The following TAF15 variants were observed in gnomAD, a reference collection of about 807,000 sequenced individuals.
The protein encoded by TAF15 is TATA-binding protein-associated factor 2N.
In TAF15, 37 loss-of-function variants were observed where a neutral mutation model predicts 102.5. The ratio of observed to expected loss-of-function variants is 0.36; its 90% CI spans 0.28 to 0.47. TAF15 has a LOEUF of 0.47. Among genes scored for constraint, TAF15 ranks in the 20% least tolerant of loss-of-function variants. The probability of loss-of-function intolerance (pLI) is 0.99; values close to 1 mark genes in which losing one functional copy is unlikely to be tolerated. For synonymous variants in TAF15, 273 were observed against 259.2 expected (o/e 1.05, Z -0.51); for missense variants, 652 against 760.7 (o/e 0.86, Z 1.68).
chr17:35,810,173 T>TAAGAGACAGG, intron 1 of TAF15: 1 of 137,764 alleles, frequency 7.3e-6, no homozygotes, highest in Admixed American at 6.5e-5. Flanking sequence ...TTGGGGGTGT[T>TAAGAGACAGG]TGCATAGTAA....
intron 9 of TAF15, among the ~76,000 whole-genome samples, chr17:35,835,022 G>A (rs1428154735): frequency 6.6e-6 from 1 of 151,882 alleles, no homozygotes; most frequent in East Asian, 1.9e-4. Context: ...GGGAATACAG[G>A]TGTGAGCCAC....
intron 11 of TAF15, among the ~76,000 whole-genome samples, chr17:35,841,454 A>AC (rs767990782): frequency 2.0e-5 from 3 of 151,584 alleles, no homozygotes; most frequent in Non-Finnish European, 4.4e-5. Context: ...CCCCATGGGA[A>AC]CAGGTAGACA....
chr17:35,840,494 C>T (rs1346201342), intron 11 of TAF15, among the ~76,000 whole-genome samples: 1 of 150,650 alleles, frequency 6.6e-6, no homozygotes, highest in Non-Finnish European at 1.5e-5. Context: ...CCTCGTGATC[C>T]ACCCGCCTCA....
chr17:35,833,198 C>A (rs1433441307), intron 7 of TAF15, among the ~76,000 whole-genome samples: 2 of 151,864 alleles, frequency 1.3e-5, no homozygotes, highest in Non-Finnish European at 2.9e-5. Flanking sequence ...ATGTTGCCTG[C>A]TGTCTGTAAT....
chr17:35,825,206 A>G (rs868175154), intron 7 of TAF15, among the ~76,000 whole-genome samples: 2 of 152,324 alleles, frequency 1.3e-5, no homozygotes, highest in African/African-American at 4.8e-5. Flanking sequence ...CTTATATTCT[A>G]TTTTTAGTGT....
At chr17:35,824,044 T>C (rs762098160) in intron 6 of TAF15, 34 bp from the exon 7 acceptor site, 1 of 1,613,630 alleles carries the variant, frequency 6.2e-7, no homozygotes, top group Non-Finnish European at 8.5e-7. Context: ...GAAATGAGAG[T>C]GGTTATTTGT....
intron 7 of TAF15, 90 bp downstream of exon 7, chr17:35,824,288 C>T (rs1291277788): frequency 6.6e-7 from 1 of 1,517,050 alleles, no homozygotes. Context: ...ATTCCAGCAT[C>T]TAATTTAGTT....
chr17:35,813,220 A>G (rs567856804), intron 1 of TAF15, among the ~76,000 whole-genome samples: 8 of 152,230 alleles, frequency 5.3e-5, no homozygotes, highest in East Asian at 3.9e-4. Flanking sequence ...GGAAAAGTGA[A>G]TAAGTTGGAA....
intron 1 of TAF15, among the ~76,000 whole-genome samples, chr17:35,814,828 G>C (rs1346421175): frequency 6.6e-6 from 1 of 151,638 alleles, no homozygotes. Flanking sequence ...ACTCCATCCT[G>C]GGTGATAGAG....
At chr17:35,813,111 C>A (rs2087146040) in intron 1 of TAF15, among the ~76,000 whole-genome samples, 1 of 113,554 alleles carries the variant, frequency 8.8e-6, no homozygotes, top group African/African-American at 3.7e-5. Flanking sequence ...GAGCAAGACT[C>A]TGTCTCAAAA....
intron 7 of TAF15, 55 bp downstream of exon 7, chr17:35,824,253 T>TG: frequency 6.2e-7 from 1 of 1,601,872 alleles, no homozygotes; most frequent in Admixed American, 1.7e-5. Flanking sequence ...TTTTTTTTTT[T>TG]TTAAGGTGTT....
At position 35,822,672 on chromosome 17, in the gene TAF15, C is replaced by T; in HGVS notation, c.323C>T (p.Pro108Leu). The change falls in exon 6 of 16, where the codon CCA becomes CTA. Residue 108 changes from proline to leucine, a missense_variant. Physicochemically the swap from Pro to Leu is moderately conservative, Grantham distance 98. Transcript: ENST00000605844. ...GGAAGAGCACCTTCCTATGACCAGC[C>T]AGACTATGGTCAACAAGATTCATAT... is the stretch of plus-strand genomic sequence containing the variant. ...QGGRAPSYDQ[P>L]DYGQQDSYDQ... 1 of 1,614,046 alleles carries T rather than the reference C, an allele frequency of 6.2e-7. No homozygotes were observed. The highest frequency in any genetic ancestry group is 8.5e-7 in the Non-Finnish European group (1 of 1,179,972).
chr17:35,820,560 AGT>A, intron 5 of TAF15, 123 bp downstream of exon 5: 1 of 811,464 alleles, frequency 1.2e-6, no homozygotes, highest in South Asian at 1.6e-5. Flanking sequence ...ATTTTAATGG[AGT>A]GTGGATTTTA....
intron 1 of TAF15, among the ~76,000 whole-genome samples, chr17:35,813,625 G>A (rs2087154139): frequency 1.7e-5 from 2 of 119,950 alleles, no homozygotes; most frequent in Non-Finnish European, 1.7e-5. Context: ...AACAGAGCGA[G>A]ACCCTGTCCC....
intron 11 of TAF15, among the ~76,000 whole-genome samples, chr17:35,840,370 GC>G (rs1190468536): frequency 1.4e-5 from 2 of 147,570 alleles, no homozygotes; most frequent in African/African-American, 5.0e-5. Flanking sequence ...TCCTGCCTCA[GC>G]CTCCCGAGTA....
chr17:35,809,665 A>C (rs1364361910), intron 1 of TAF15, 89 bp downstream of exon 1: 2 of 1,584,550 alleles, frequency 1.3e-6, no homozygotes, highest in African/African-American at 2.7e-5. Flanking sequence ...GGCCCTGAGG[A>C]GAAGCCTCCG....
intron 12 of TAF15, among the ~76,000 whole-genome samples, chr17:35,843,138 T>G (rs1214781248): frequency 1.3e-5 from 2 of 152,170 alleles, no homozygotes; most frequent in East Asian, 3.9e-4. Context: ...TTTATTTATT[T>G]TTGAGACAGA....
chr17:35,813,630 TGTCC>T (rs2087154277), intron 1 of TAF15, among the ~76,000 whole-genome samples: 1 of 77,902 alleles, frequency 1.3e-5, no homozygotes, highest in African/African-American at 5.1e-5. Flanking sequence ...AGCGAGACCC[TGTCC>T]CCCCCCCCCC....
intron 10 of TAF15, among the ~76,000 whole-genome samples, chr17:35,836,450 C>A (rs1487645085): frequency 6.6e-6 from 1 of 152,136 alleles, no homozygotes; most frequent in Non-Finnish European, 1.5e-5. Flanking sequence ...CACAGTCTAC[C>A]TGTGCTTTAG....
Sources: allele counts gnomAD v4.1 joint callset (sites outside exome capture counted in the v4.1 genomes callset), GRCh38; gene constraint gnomAD v4.1.1; transcripts MANE v1.5; gene names NCBI Gene and HGNC (gene_info 2026-07-23, HGNC 2026-07-21).